Variants in ADORA1 observed in about 807,000 individuals in gnomAD.
ADORA1 encodes the protein adenosine A1 receptor.
Under a neutral mutation model 19.9 loss-of-function variants are expected in ADORA1, and 6 were observed. The ratio of observed to expected loss-of-function variants is 0.30; its 90% CI spans 0.17 to 0.59. ADORA1 has a LOEUF of 0.59. Among genes scored for constraint, ADORA1 ranks in the 20% least tolerant of loss-of-function variants. The probability of loss-of-function intolerance (pLI) is 0.87; values close to 1 mark genes in which losing one functional copy is unlikely to be tolerated. For synonymous variants in ADORA1, 194 were observed against 188.4 expected (o/e 1.03, Z -0.24); for missense variants, 302 against 439.2 (o/e 0.69, Z 2.79).
intron 3 of ADORA1, among the ~76,000 whole-genome samples, chr1:203,158,365 A>C (rs1655259284): frequency 6.6e-6 from 1 of 152,138 alleles, no homozygotes; most frequent in African/African-American, 2.4e-5. Context: ...TCCAGTTTTC[A>C]ATATCTTGTT....
chr1:203,135,429 C>A (rs1253421210), intron 3 of ADORA1, among the ~76,000 whole-genome samples: 1 of 152,112 alleles, frequency 6.6e-6, no homozygotes. Context: ...GAGCCCGAGG[C>A]AGGCAGATCA....
chr1:203,128,501 G>C lies in ADORA1; in HGVS notation c.-58+69G>C, dbSNP rs1034126827. 9.7e-6 allele frequency: 11 copies of C among 1,131,744 alleles called. No homozygotes were observed. In the African/African-American group the frequency reaches 1.4e-4, roughly 15 times the overall value. 70.1% of individuals were successfully genotyped at this position (1,131,744 alleles called of 1,614,324 possible). A position where few individuals can be genotyped will look rare whatever the true frequency, so the allele number is the denominator to read the frequency against. ...CCAGTCATGGGAGACCCCTCTGTGC[G>C]TGTGTCTGTGTGTGCGCGCGCGCTG... On this transcript the variant is annotated intron_variant, in intron 2 of 3. Transcript: ENST00000337894. This position sits in a 1 kb window ranked among gnomAD's most constrained non-coding sequence, Gnocchi z 5.9.
intron 3 of ADORA1, among the ~76,000 whole-genome samples, chr1:203,132,908 C>A (rs1028762978): frequency 2.0e-5 from 3 of 152,012 alleles, no homozygotes; most frequent in African/African-American, 7.2e-5. Context: ...CTCTGAGGTA[C>A]CTTTCAGCTC....
intron 3 of ADORA1, chr1:203,150,908 C>A (rs976456429): frequency 2.8e-5 from 24 of 855,674 alleles, no homozygotes; most frequent in Non-Finnish European, 3.7e-5. Flanking sequence ...CAGCAGCTGC[C>A]TCCTCAGAGC....
At chr1:203,162,347 G>C (rs551641835) in intron 3 of ADORA1, among the ~76,000 whole-genome samples, 1 of 152,144 alleles carries the variant, frequency 6.6e-6, no homozygotes, top group Non-Finnish European at 1.5e-5. Flanking sequence ...CTTTAACCCC[G>C]GGGGCTCTGG....
intron 3 of ADORA1, among the ~76,000 whole-genome samples, chr1:203,136,956 G>A (rs1654531064): frequency 6.6e-6 from 1 of 152,166 alleles, no homozygotes; most frequent in African/African-American, 2.4e-5. Flanking sequence ...AGATCCTCAT[G>A]GAGACTGAAT....
At chr1:203,144,916 C>T (rs2102748212) in intron 3 of ADORA1, 1 of 152,414 alleles carries the variant, frequency 6.6e-6, no homozygotes, top group South Asian at 2.1e-4. Flanking sequence ...CCGACTCACA[C>T]TCACCTCCTG....
chr1:203,162,666 A>G (rs1655408854), intron 3 of ADORA1, among the ~76,000 whole-genome samples: 2 of 152,044 alleles, frequency 1.3e-5, no homozygotes, highest in African/African-American at 4.8e-5. Flanking sequence ...CATCTCAACA[A>G]CCCACAGTCA....
At position 203,165,807 on chromosome 1, in the gene ADORA1, C is replaced by T. The variant is rs201811129; in HGVS notation, c.888C>T (p.Arg296=). ...ATGCCTTCCGCATCCAGAAGTTCCGCGTCACCTTCCTTAAGATTTGGAATG... is the reference window on the plus strand; with the variant it reads ...ATGCCTTCCGCATCCAGAAGTTCCGTGTCACCTTCCTTAAGATTTGGAATG... ...IVYAFRIQKF[R]VTFLKIWNDH... is the part of the protein sequence containing the mutation. The change falls in exon 4 of 4, where the codon CGC becomes CGT. Residue 296 remains arginine, a synonymous_variant. Coordinates refer to ENST00000337894, the MANE Select transcript of ADORA1 (RefSeq NM_000674.3). This position sits in a 1 kb window ranked among gnomAD's most constrained non-coding sequence, Gnocchi z 5.9. 2.8e-5 allele frequency: 45 copies of T among 1,612,642 alleles called. No homozygotes were observed. The highest frequency in any genetic ancestry group is 8.9e-5 in the East Asian group (4 of 44,864).
chr1:203,133,429 TCTTTAG>T (rs1050308042), intron 3 of ADORA1, among the ~76,000 whole-genome samples: 5 of 152,200 alleles, frequency 3.3e-5, no homozygotes, highest in African/African-American at 9.7e-5. Flanking sequence ...TATAGACAAT[TCTTTAG>T]CTAAATTGAG....
In ADORA1 at chr1:203,149,229, G is replaced by A. The variant is rs555042673; in HGVS notation, c.342-16032G>A. Among the ~76,000 whole-genome samples, 180 of 152,150 alleles carry A rather than the reference G, an allele frequency of 1.2e-3. 1 individual carries two copies. In the Middle Eastern group the frequency reaches 0.014, roughly 12 times the overall value. On this transcript the variant is annotated intron_variant, in intron 3 of 3. Coordinates refer to ENST00000337894, the MANE Select transcript of ADORA1 (RefSeq NM_000674.3). ...ACAGCACCTGGAAGTTTCCATGAAT[G>A]GTGGATGGAAAAAAAAGGCTTTGAT...
intron 3 of ADORA1, among the ~76,000 whole-genome samples, chr1:203,155,474 G>A (rs1423198866): frequency 6.6e-6 from 1 of 152,184 alleles, no homozygotes. Flanking sequence ...GTGCACAGTC[G>A]GGTCTCCAAC....
chr1:203,131,843 C>A (rs1322089700), intron 3 of ADORA1, among the ~76,000 whole-genome samples: 1 of 152,214 alleles, frequency 6.6e-6, no homozygotes, highest in Non-Finnish European at 1.5e-5. Flanking sequence ...GTCTACGAAA[C>A]TCCTCTTGGC....
chr1:203,133,214 AGCGATTCTCCT>A (rs1220531301), intron 3 of ADORA1, among the ~76,000 whole-genome samples: 7 of 151,896 alleles, frequency 4.6e-5, no homozygotes, highest in Non-Finnish European at 1.5e-5. Context: ...CCCAGGTTCA[AGCGATTCTCCT>A]GCCTCAGCCT....
At chr1:203,163,531 A>G (rs1192790553) in intron 3 of ADORA1, among the ~76,000 whole-genome samples, 2 of 152,220 alleles carry the variant, frequency 1.3e-5, no homozygotes, top group South Asian at 4.1e-4. Context: ...GGTTTGGGGC[A>G]CAAGAATCCT....
intron 3 of ADORA1, among the ~76,000 whole-genome samples, chr1:203,156,779 G>T (rs1447540187): frequency 6.6e-6 from 1 of 152,200 alleles, no homozygotes; most frequent in Admixed American, 6.5e-5. Context: ...AGATTAGAGG[G>T]CCATGTCTGA....
chr1:203,160,658 C>T (rs1655334218), intron 3 of ADORA1, among the ~76,000 whole-genome samples: 2 of 152,012 alleles, frequency 1.3e-5, no homozygotes, highest in Non-Finnish European at 2.9e-5. Context: ...TACAAAAACA[C>T]TTAAAAATAG....
rs1654229027 is a variant in ADORA1 at position 203,128,540 on chromosome 1, A to C, written c.-58+108A>C. 1 of 959,822 alleles carries C rather than the reference A, an allele frequency of 1.0e-6. No homozygotes were observed. The highest frequency in any genetic ancestry group is 3.8e-5 in the East Asian group (1 of 26,292). The allele number at this position is 959,822 out of a possible 1,614,324, so 59.5% of individuals were successfully genotyped here. A position where few individuals can be genotyped will look rare whatever the true frequency, so the allele number is the denominator to read the frequency against. On this transcript the variant is annotated intron_variant, in intron 2 of 3. Coordinates refer to ENST00000337894, the MANE Select transcript of ADORA1 (RefSeq NM_000674.3). The surrounding 1 kb of genome is among the most constrained non-coding windows in gnomAD (Gnocchi z 5.9). ...GCGCGCGCGCTGGGAGCTGCCTCAC[A>C]CCTGATAAAAAAGCCAGTGGAGGAG...
At chr1:203,151,178 G>A (rs1006742304) in intron 3 of ADORA1, among the ~76,000 whole-genome samples, 1 of 152,232 alleles carries the variant, frequency 6.6e-6, no homozygotes, top group African/African-American at 2.4e-5. Context: ...TGGGAGGAAA[G>A]GCGTGGGCTC....
Sources: gnomAD v4.1 joint callset for allele counts (sites outside exome capture counted in the v4.1 genomes callset) on GRCh38, gnomAD v4.1.1 for gene constraint, Gnocchi (gnomAD v3.1) non-coding constraint, MANE v1.5 for transcripts, NCBI Gene and HGNC (gene_info 2026-07-23, HGNC 2026-07-21) for gene names.